Variants in DNAH7 observed in about 807,000 individuals in gnomAD.
The protein encoded by DNAH7 is dynein axonemal heavy chain 7, also known as axonemal beta dynein heavy chain 7.
Under a neutral mutation model 444.6 loss-of-function variants are expected in DNAH7, and 397 were observed. The observed-to-expected ratio is 0.89, with a 90% confidence interval of 0.82 to 0.97. DNAH7 has a LOEUF of 0.97. DNAH7 is among the 50% of genes least tolerant of loss of function. The pLI is 0.00. For missense variants in DNAH7, 4,902 were observed against 4,800.8 expected (o/e 1.02, Z -0.62); for synonymous variants, 1,636 against 1,624.4 (o/e 1.01, Z -0.17).
Position 195,837,667 on chromosome 2 carries a change from T to C in DNAH7, c.8946-3307A>G, listed in dbSNP as rs12478246. Among the ~76,000 whole-genome samples, 1,418 of 152,228 alleles carry C rather than the reference T, an allele frequency of 9.3e-3. 44 individuals are homozygous for C. The highest frequency in any genetic ancestry group is 0.058 in the Admixed American group (891 of 15,282). On this transcript the variant is annotated intron_variant, in intron 47 of 64. Transcript: ENST00000312428. ...TTTATTTCATGTTTTGCTTTTTTTT[T>C]ACTTTATTCTCCTTTATCTCTACCC...
chr2:195,848,025 A>G (rs1699117088), intron 46 of DNAH7, among the ~76,000 whole-genome samples: 2 of 152,346 alleles, frequency 1.3e-5, no homozygotes, highest in South Asian at 2.1e-4. Context: ...AGTGAAAGAC[A>G]TAACTGGAGA....
chr2:195,869,735 G>T (rs1257316489), intron 40 of DNAH7, among the ~76,000 whole-genome samples: 3 of 152,152 alleles, frequency 2.0e-5, no homozygotes, highest in African/African-American at 7.2e-5. Flanking sequence ...ATGAGAGCAG[G>T]AGGCAGCCTG....
chr2:196,050,657 G>A (rs890942560), intron 3 of DNAH7, among the ~76,000 whole-genome samples: 1 of 152,082 alleles, frequency 6.6e-6, no homozygotes, highest in African/African-American at 2.4e-5. Context: ...AACTTGTACA[G>A]GGCTTTATCA....
intron 55 of DNAH7, among the ~76,000 whole-genome samples, chr2:195,797,530 G>A (rs533645842): frequency 2.0e-5 from 3 of 152,304 alleles, no homozygotes; most frequent in South Asian, 2.1e-4. Context: ...TACAGTGTGA[G>A]GAGAGATATA....
At chr2:195,981,380 G>C (rs1490820229) in intron 15 of DNAH7, among the ~76,000 whole-genome samples, 2 of 151,642 alleles carry the variant, frequency 1.3e-5, no homozygotes, top group African/African-American at 4.8e-5. Context: ...TAAATTAGAA[G>C]AATCCAATAT....
At chr2:195,825,069 G>T in intron 48 of DNAH7, 1 of 152,412 alleles carries the variant, frequency 6.6e-6, no homozygotes, top group South Asian at 2.1e-4. Context: ...TTGAGTCCAG[G>T]AGTTCAAGAC....
At position 195,880,994 on chromosome 2, in the gene DNAH7, G is replaced by GTT. The variant is rs199868134; in HGVS notation, c.5961+799_5961+800dup. Among the ~76,000 whole-genome samples, 213 of 136,796 alleles carry GTT rather than the reference G, an allele frequency of 1.6e-3. 2 individuals are homozygous for GTT. Among genetic ancestry groups the GTT allele is most frequent in the African/African-American group, 4.2e-3 (157 of 37,330 alleles). The allele number at this position is 136,796 out of a possible 152,430, so 89.7% of individuals were successfully genotyped here. A position where few individuals can be genotyped will look rare whatever the true frequency, so the allele number is the denominator to read the frequency against. ...TCTCTCAGCTTTCTGTACACTTTTA[G>GTT]TTTTTTTTTTTTTTTAATCCAGGCC... On this transcript the variant is annotated intron_variant, in intron 36 of 64. Coordinates refer to ENST00000312428, the MANE Select transcript of DNAH7 (RefSeq NM_018897.3).
At chr2:195,762,195 A>C (rs1694379952) in intron 61 of DNAH7, among the ~76,000 whole-genome samples, 1 of 152,184 alleles carries the variant, frequency 6.6e-6, no homozygotes, top group African/African-American at 2.4e-5. Context: ...AATGGGTTAC[A>C]AGATATTATT....
intron 28 of DNAH7, among the ~76,000 whole-genome samples, 163 bp downstream of exon 28, chr2:195,900,119 T>C (rs1686609581): frequency 6.6e-6 from 1 of 152,188 alleles, no homozygotes; most frequent in South Asian, 2.1e-4. Flanking sequence ...CAAATCATTA[T>C]AAAATTTTTT....
intron 61 of DNAH7, among the ~76,000 whole-genome samples, chr2:195,769,332 G>A (rs138537688): frequency 8.6e-4 from 129 of 150,870 alleles, no homozygotes; most frequent in African/African-American, 2.7e-3. Context: ...TAAAGTTCTC[G>A]TATTACATGT....
intron 15 of DNAH7, among the ~76,000 whole-genome samples, chr2:195,973,765 G>A (rs1692004013): frequency 6.6e-6 from 1 of 152,044 alleles, no homozygotes; most frequent in South Asian, 2.1e-4. Context: ...AGCCACCGCG[G>A]CTGACCCTTC....
chr2:196,000,073 T>G (rs1693940563), intron 12 of DNAH7, among the ~76,000 whole-genome samples: 1 of 152,178 alleles, frequency 6.6e-6, no homozygotes, highest in South Asian at 2.1e-4. Flanking sequence ...GGTGTTAACT[T>G]TATTACTACT....
At chr2:195,766,579 A>G (rs1289926003) in intron 61 of DNAH7, among the ~76,000 whole-genome samples, 3 of 152,122 alleles carry the variant, frequency 2.0e-5, no homozygotes, top group Non-Finnish European at 4.4e-5. Context: ...GGGATGGTTA[A>G]TGAATATTTT....
intron 48 of DNAH7, among the ~76,000 whole-genome samples, chr2:195,830,053 C>T (rs990187359): frequency 3.3e-5 from 5 of 152,018 alleles, no homozygotes; most frequent in African/African-American, 4.8e-5. Flanking sequence ...TATTTTGACT[C>T]CTTTAACTTT....
chr2:196,009,599 G>A (rs894052845), intron 10 of DNAH7, among the ~76,000 whole-genome samples: 1 of 152,140 alleles, frequency 6.6e-6, no homozygotes, highest in Non-Finnish European at 1.5e-5. Flanking sequence ...TATTACATTG[G>A]TCTGGGCAAA....
At chr2:195,934,314 G>A (rs1374967291) in intron 21 of DNAH7, among the ~76,000 whole-genome samples, 20 of 152,150 alleles carry the variant, frequency 1.3e-4, no homozygotes, top group Non-Finnish European at 1.2e-4. Context: ...AATTAATGAT[G>A]AAAGCACTAG....
intron 12 of DNAH7, among the ~76,000 whole-genome samples, chr2:195,997,070 G>T (rs1693738945): frequency 6.6e-6 from 1 of 152,168 alleles, no homozygotes; most frequent in African/African-American, 2.4e-5. Flanking sequence ...TGTACTGTGT[G>T]CAATGTAAAA....
chr2:195,756,612 C>T (rs1434792538), intron 61 of DNAH7, among the ~76,000 whole-genome samples: 1 of 151,998 alleles, frequency 6.6e-6, no homozygotes, highest in African/African-American at 2.4e-5. Flanking sequence ...CTTCTGGGCT[C>T]AATTAATCCT....
chr2:195,914,106 C>T (rs1051136019), intron 24 of DNAH7, among the ~76,000 whole-genome samples: 1 of 152,192 alleles, frequency 6.6e-6, no homozygotes, highest in Non-Finnish European at 1.5e-5. Flanking sequence ...ATTAATATAT[C>T]TGTAGCACCT....
Sources: gnomAD v4.1 joint callset for allele counts (sites outside exome capture counted in the v4.1 genomes callset) on GRCh38, gnomAD v4.1.1 for gene constraint, MANE v1.5 for transcripts, NCBI Gene and HGNC (gene_info 2026-07-23, HGNC 2026-07-21) for gene names.